The following MAP4K3 variants were observed in gnomAD, a reference collection of about 807,000 sequenced individuals.
MAP4K3 encodes the protein MAPK/ERK kinase kinase kinase 3.
In MAP4K3, 94 loss-of-function variants were observed where a neutral mutation model predicts 143.5. The observed-to-expected ratio is 0.65, with a 90% CI of 0.55 to 0.78. MAP4K3 has a LOEUF of 0.78. Ranked by LOEUF, MAP4K3 falls within the 30% of genes least tolerant of loss-of-function variation. The pLI, the probability that MAP4K3 is intolerant of heterozygous loss-of-function variation, is 0.00. For missense variants in MAP4K3, 1,077 were observed against 1,068.1 expected, an observed-to-expected ratio of 1.01 and a Z score of -0.12; for synonymous variants, 416 against 347.2, an observed-to-expected ratio of 1.20 and a Z score of -2.20.
intron 1 of MAP4K3, among the ~76,000 whole-genome samples, chr2:39,412,207 G>A (rs1437857776): frequency 6.6e-6 from 1 of 152,200 alleles, no homozygotes; most frequent in African/African-American, 2.4e-5. Context: ...AACAGCTAGC[G>A]CGGGTCAGGG....
chr2:39,278,334 C>T (rs1330291050), intron 24 of MAP4K3, 73 bp downstream of exon 24: 1 of 837,628 alleles, frequency 1.2e-6, no homozygotes, highest in Non-Finnish European at 1.8e-6. Context: ...GAAACTGAAC[C>T]TTATTTCTGG....
intron 1 of MAP4K3, among the ~76,000 whole-genome samples, chr2:39,415,279 G>GAT (rs1275052987): frequency 6.6e-6 from 1 of 152,178 alleles, no homozygotes; most frequent in East Asian, 1.9e-4. Context: ...TATGCTTACT[G>GAT]ATATGACTTT....
chr2:39,404,625 T>C (rs1357866512), intron 1 of MAP4K3, among the ~76,000 whole-genome samples: 1 of 147,532 alleles, frequency 6.8e-6, no homozygotes, highest in Non-Finnish European at 1.5e-5. Flanking sequence ...TTCTTTTTTT[T>C]TTTTTTTTTT....
chr2:39,410,409 G>A (rs1277196380), intron 1 of MAP4K3, among the ~76,000 whole-genome samples: 1 of 152,042 alleles, frequency 6.6e-6, no homozygotes, highest in Non-Finnish European at 1.5e-5. Flanking sequence ...CAAAGCAACT[G>A]GTAATATTAT....
chr2:39,303,890 A>G (rs1439440741), intron 15 of MAP4K3, among the ~76,000 whole-genome samples: 2 of 152,154 alleles, frequency 1.3e-5, no homozygotes, highest in East Asian at 3.8e-4. Context: ...TAATTGGTAC[A>G]TGGGCTTAAA....
At chr2:39,408,695 A>G (rs531031575) in intron 1 of MAP4K3, among the ~76,000 whole-genome samples, 1 of 151,166 alleles carries the variant, frequency 6.6e-6, no homozygotes, top group Non-Finnish European at 1.5e-5. Flanking sequence ...CGAGATATGG[A>G]TCTTAGAGAA....
intron 15 of MAP4K3, among the ~76,000 whole-genome samples, chr2:39,302,179 G>T (rs1682540671): frequency 6.6e-6 from 1 of 152,102 alleles, no homozygotes; most frequent in African/African-American, 2.4e-5. Context: ...TTCAGGCCAG[G>T]AAAGAAGTTG....
At chr2:39,298,515 C>T (rs1682375526) in intron 16 of MAP4K3, among the ~76,000 whole-genome samples, 1 of 152,004 alleles carries the variant, frequency 6.6e-6, no homozygotes, top group East Asian at 1.9e-4. Context: ...AAAAATTAAA[C>T]ATTTGGTATT....
chr2:39,280,461 T>A, intron 22 of MAP4K3, 105 bp from the exon 23 acceptor site: 1 of 481,356 alleles, frequency 2.1e-6, no homozygotes, highest in Middle Eastern at 5.6e-4. Context: ...ATAGATAGTA[T>A]ACTGAAATTA....
chr2:39,307,976 T>G lies in MAP4K3; in HGVS notation c.1086A>C (p.Ser362=). The part of the protein sequence containing the change: ...LPDSDGFLDS[S]EEIYYTARSN... The stretch of plus-strand genomic sequence containing the variant: ...ATCTTGCAGTGTAGTATATTTCTTC[T>G]GAACTGTCCAAAAAACCATCACTGT... Residue 362 remains serine, a synonymous_variant, in exon 15 of 34, where the codon TCA becomes TCC. Coordinates refer to ENST00000263881, the MANE Select transcript of MAP4K3 (RefSeq NM_003618.4). 3.8e-6 allele frequency: 6 copies of G among 1,598,144 alleles called. No homozygotes were observed. Among genetic ancestry groups the G allele is most frequent in the Non-Finnish European group, 5.1e-6 (6 of 1,172,736 alleles).
At chr2:39,346,358 A>G (rs1665292402) in intron 3 of MAP4K3, among the ~76,000 whole-genome samples, 1 of 152,124 alleles carries the variant, frequency 6.6e-6, no homozygotes, top group Non-Finnish European at 1.5e-5. Context: ...CCAGCTTCAT[A>G]TTTGTCTACC....
intron 16 of MAP4K3, among the ~76,000 whole-genome samples, 185 bp from the exon 17 acceptor site, chr2:39,293,453 C>T (rs1278990250): frequency 6.6e-6 from 1 of 152,032 alleles, no homozygotes; most frequent in Non-Finnish European, 1.5e-5. Flanking sequence ...AATAAAATAC[C>T]TCTATTTTCC....
At chr2:39,280,950 C>G (rs1681494856) in intron 22 of MAP4K3, among the ~76,000 whole-genome samples, 1 of 152,064 alleles carries the variant, frequency 6.6e-6, no homozygotes, top group Non-Finnish European at 1.5e-5. Context: ...TATTACTTAT[C>G]AAGTCCATTT....
chr2:39,348,518 T>C (rs1366288899), intron 3 of MAP4K3, among the ~76,000 whole-genome samples: 3 of 152,164 alleles, frequency 2.0e-5, no homozygotes, highest in African/African-American at 7.2e-5. Context: ...TAATGACAAA[T>C]CTACATTTGC....
chr2:39,388,647 C>T (rs1166037787), intron 1 of MAP4K3, among the ~76,000 whole-genome samples: 4 of 152,156 alleles, frequency 2.6e-5, no homozygotes, highest in African/African-American at 9.7e-5. Context: ...CCACAACAGG[C>T]AATTTGTTCA....
chr2:39,299,929 A>T (rs935629743), intron 15 of MAP4K3, 128 bp from the exon 16 acceptor site: 1 of 380,132 alleles, frequency 2.6e-6, no homozygotes, highest in African/African-American at 2.1e-5. Flanking sequence ...GTATTGCTAT[A>T]CATTCTTAAA....
intron 15 of MAP4K3, among the ~76,000 whole-genome samples, chr2:39,301,244 G>A (rs912423120): frequency 6.6e-6 from 1 of 152,150 alleles, no homozygotes; most frequent in African/African-American, 2.4e-5. Context: ...TTATCAGTGT[G>A]AGAAAAGATA....
intron 6 of MAP4K3, among the ~76,000 whole-genome samples, chr2:39,335,265 T>C (rs1664900428): frequency 6.6e-6 from 1 of 151,894 alleles, no homozygotes; most frequent in African/African-American, 2.4e-5. Flanking sequence ...GTTGAAAAGG[T>C]CCCTTTGGTC....
intron 2 of MAP4K3, among the ~76,000 whole-genome samples, chr2:39,369,542 A>G (rs1457332921): frequency 6.6e-6 from 1 of 152,138 alleles, no homozygotes; most frequent in Non-Finnish European, 1.5e-5. Context: ...ACTCTAGACA[A>G]ATCAAACTAC....
Sources: gnomAD v4.1 joint callset for allele counts (sites outside exome capture counted in the v4.1 genomes callset) on GRCh38, gnomAD v4.1.1 for gene constraint, MANE v1.5 for transcripts, NCBI Gene and HGNC (gene_info 2026-07-23, HGNC 2026-07-21) for gene names.